Variants in IGSF11 observed in about 807,000 individuals in gnomAD.
IGSF11 encodes the protein CXADR like 1.
A neutral mutation model predicts 41.0 loss-of-function variants in IGSF11; 22 were observed. The ratio of observed to expected loss-of-function variants is 0.54; its 90% CI spans 0.38 to 0.77. IGSF11 has a LOEUF of 0.77. Among genes scored for constraint, IGSF11 ranks in the 30% least tolerant of loss-of-function variants. The pLI is 0.00. For synonymous variants in IGSF11, 219 were observed against 201.3 expected, an observed-to-expected ratio of 1.09 and a Z score of -0.74; for missense variants, 444 against 530.8, an observed-to-expected ratio of 0.84 and a Z score of 1.61.
chr3:119,125,206 G>A (rs1437010568), intron 1 of IGSF11, among the ~76,000 whole-genome samples: 1 of 152,188 alleles, frequency 6.6e-6, no homozygotes, highest in African/African-American at 2.4e-5. Flanking sequence ...TGAGCAATAA[G>A]AAATCATCTG....
chr3:118,953,752 G>GT (rs1353056170), intron 1 of IGSF11, among the ~76,000 whole-genome samples: 3 of 151,996 alleles, frequency 2.0e-5, no homozygotes, highest in East Asian at 3.9e-4. Context: ...TGGATAGTTT[G>GT]TTTTTTTCTT....
intron 1 of IGSF11, among the ~76,000 whole-genome samples, chr3:119,041,593 AAATAAAAAAG>A (rs1941120151): frequency 1.3e-5 from 2 of 152,190 alleles, no homozygotes; most frequent in Non-Finnish European, 2.9e-5. Flanking sequence ...CAAAAAATAA[AAATAAAAAAG>A]AATAAAAAAG....
intron 1 of IGSF11, among the ~76,000 whole-genome samples, chr3:119,074,128 G>A (rs2076451482): frequency 6.6e-6 from 1 of 152,186 alleles, no homozygotes. Flanking sequence ...AGCTAACAAA[G>A]ATATTTGGAA....
intron 1 of IGSF11, among the ~76,000 whole-genome samples, chr3:119,048,040 AAGC>A (rs1343548025): frequency 6.6e-6 from 1 of 151,814 alleles, no homozygotes; most frequent in African/African-American, 2.4e-5. Flanking sequence ...CCACAAGAGA[AAGC>A]AGGAAAGATC....
chr3:119,066,217 A>C (rs1265985772), intron 1 of IGSF11, among the ~76,000 whole-genome samples: 2 of 152,194 alleles, frequency 1.3e-5, no homozygotes, highest in East Asian at 3.8e-4. Context: ...CAAAATTCTT[A>C]ATTAAATCTG....
chr3:119,053,603 A>C (rs1941710926), intron 1 of IGSF11, among the ~76,000 whole-genome samples: 1 of 152,192 alleles, frequency 6.6e-6, no homozygotes, highest in South Asian at 2.1e-4. Flanking sequence ...AAAGCAATCT[A>C]TAAAGTCAAT....
intron 1 of IGSF11, among the ~76,000 whole-genome samples, chr3:118,930,642 G>A (rs1942770176): frequency 6.6e-6 from 1 of 152,112 alleles, no homozygotes; most frequent in Admixed American, 6.6e-5. Flanking sequence ...AAAATTAAAT[G>A]CTTACATATA....
intron 4 of IGSF11, among the ~76,000 whole-genome samples, chr3:118,908,850 T>A (rs1348542544): frequency 6.6e-6 from 1 of 152,240 alleles, no homozygotes; most frequent in Non-Finnish European, 1.5e-5. Flanking sequence ...TAAGAGCATG[T>A]TCCAGTTAGA....
chr3:118,982,704 C>T (rs1934858123), intron 1 of IGSF11, among the ~76,000 whole-genome samples: 1 of 152,094 alleles, frequency 6.6e-6, no homozygotes, highest in Admixed American at 6.5e-5. Flanking sequence ...TTAATGAATA[C>T]CTTAATTCAC....
intron 1 of IGSF11, among the ~76,000 whole-genome samples, chr3:119,135,192 A>G (rs565711247): frequency 1.3e-5 from 2 of 152,356 alleles, no homozygotes; most frequent in Non-Finnish European, 2.9e-5. Flanking sequence ...CAATGGCAAC[A>G]AAAGCCAAAA....
chr3:119,106,504 G>C (rs372099486), upstream of IGSF11, among the ~76,000 whole-genome samples: 40 of 152,222 alleles, frequency 2.6e-4, no homozygotes, highest in African/African-American at 9.4e-4. Flanking sequence ...ATGACCTACA[G>C]TTCCATCCAT....
At chr3:119,021,303 G>C (rs978387159) in intron 1 of IGSF11, among the ~76,000 whole-genome samples, 2 of 152,068 alleles carry the variant, frequency 1.3e-5, no homozygotes, top group Non-Finnish European at 2.9e-5. Flanking sequence ...CTCAACTCCA[G>C]ATGATGAAGA....
At chr3:118,993,964 A>G (rs916968064) in intron 1 of IGSF11, among the ~76,000 whole-genome samples, 2 of 152,222 alleles carry the variant, frequency 1.3e-5, no homozygotes, top group African/African-American at 4.8e-5. Flanking sequence ...AATTTTTTAA[A>G]CATACTGCAA....
rs561443742 is a variant in IGSF11, at chr3:118,936,297, G to A, written c.53-6022C>T. 2.2e-3 allele frequency among the ~76,000 whole-genome samples: 335 copies of A among 151,770 alleles called. 2 individuals are homozygous for A. Among genetic ancestry groups the A allele is most frequent in the South Asian group, 0.01 (48 of 4,798 alleles). The stretch of plus-strand genomic sequence containing the variant: ...TGAGGCAGGCAGATCACTTGAGGTC[G>A]GGAGTTCGAGACCAGCCTGGCCAAC... On this transcript the variant is annotated intron_variant, in intron 1 of 6. Coordinates refer to ENST00000393775, the MANE Select transcript of IGSF11 (RefSeq NM_001015887.3).
chr3:119,038,860 G>C (rs1040119675), upstream of IGSF11, among the ~76,000 whole-genome samples: 1 of 152,134 alleles, frequency 6.6e-6, no homozygotes, highest in Non-Finnish European at 1.5e-5. Context: ...GTGCAGTTCA[G>C]ACTTTCACTT....
intron 1 of IGSF11, among the ~76,000 whole-genome samples, chr3:119,052,888 CA>C (rs1213170006): frequency 2.6e-5 from 4 of 152,068 alleles, no homozygotes; most frequent in Non-Finnish European, 2.9e-5. Context: ...GAATTTAAAA[CA>C]AAGGTCATAT....
At chr3:119,082,606 C>T (rs1162683191) in intron 1 of IGSF11, among the ~76,000 whole-genome samples, 1 of 152,108 alleles carries the variant, frequency 6.6e-6, no homozygotes, top group Non-Finnish European at 1.5e-5. Flanking sequence ...TGACAAAGTT[C>T]AATATTTATC....
chr3:119,117,722 T>A (rs1317185531), intron 1 of IGSF11, among the ~76,000 whole-genome samples: 1 of 152,216 alleles, frequency 6.6e-6, no homozygotes, highest in Non-Finnish European at 1.5e-5. Context: ...CAAAGTTTCA[T>A]CTGAGACAAG....
In IGSF11 at chr3:118,926,130, G is replaced by A; in HGVS notation, c.551C>T (p.Thr184Ile). The A allele has an allele frequency of 2.5e-6, 4 of 1,610,806 alleles. No homozygotes were observed. Among genetic ancestry groups the A allele is most frequent in the Non-Finnish European group, 3.4e-6 (4 of 1,177,940 alleles). ...PTYLWEKLDN[T>I]LKLPPTATQD... The stretch of plus-strand genomic sequence containing the variant: ...AGTAGCTGTTGGAGGTAGTTTGAGG[G>A]TATTGTCTAACTTCTCCCAAAGGTA... The change falls in exon 4 of 7, where the codon ACC becomes ATC. Residue 184 changes from threonine (T) to isoleucine (I), a missense_variant. Thr to Ile is a moderately conservative substitution (Grantham distance 89, BLOSUM62 -1). This residue lies in a region of IGSF11 where 193 missense variants were observed against 283.5 expected (regional missense o/e 0.68). Coordinates refer to ENST00000393775, the MANE Select transcript of IGSF11 (RefSeq NM_001015887.3).
Sources: gnomAD v4.1 joint callset for allele counts (sites outside exome capture counted in the v4.1 genomes callset) on GRCh38, gnomAD v4.1.1 for gene constraint, gnomAD v4.1.1 regional missense constraint, MANE v1.5 for transcripts, NCBI Gene and HGNC (gene_info 2026-07-23, HGNC 2026-07-21) for gene names.